FHIT: variants seen among roughly 807,000 people sequenced by gnomAD.
FHIT encodes fragile histidine triad diadenosine triphosphatase, also known as bis(5'-adenosyl)-triphosphatase.
Under a neutral mutation model 17.9 loss-of-function variants are expected in FHIT, and 19 were observed. The ratio of observed to expected loss-of-function variants is 1.06; its 90% CI spans 0.74 to 1.56. FHIT has a LOEUF of 1.56. Ranked by LOEUF, FHIT falls within the 40% of genes most tolerant of loss-of-function variation. The probability of loss-of-function intolerance (pLI) is 0.00; values close to 1 mark genes in which losing one functional copy is unlikely to be tolerated. For missense variants in FHIT, 248 were observed against 189.2 expected (o/e 1.31, Z -1.82); for synonymous variants, 81 against 69.7 (o/e 1.16, Z -0.81).
At chr3:60,507,198 G>C (rs185330990) in intron 5 of FHIT, among the ~76,000 whole-genome samples, 1 of 152,304 alleles carries the variant, frequency 6.6e-6, no homozygotes, top group Admixed American at 6.5e-5. Flanking sequence ...GTTGGCATTG[G>C]TAGAATGAAC....
chr3:60,292,284 G>A (rs376861320), intron 5 of FHIT, among the ~76,000 whole-genome samples: 6 of 152,192 alleles, frequency 3.9e-5, no homozygotes, highest in East Asian at 1.9e-4. Context: ...GTTGTGAGAC[G>A]CTTCGAAATA....
chr3:60,815,487 ATAAG>A (rs1406945299), intron 4 of FHIT, among the ~76,000 whole-genome samples: 1 of 152,134 alleles, frequency 6.6e-6, no homozygotes, highest in Non-Finnish European at 1.5e-5. Context: ...CATTTATTAA[ATAAG>A]GAAACCTTTC....
At chr3:61,249,892 T>A (rs142286606) in intron 1 of FHIT, among the ~76,000 whole-genome samples, 246 of 145,116 alleles carry the variant, frequency 1.7e-3, no homozygotes, top group African/African-American at 6.2e-3. Context: ...TATACAACAA[T>A]CCCATATCTA....
chr3:61,015,458 G>A (rs2032055209), intron 3 of FHIT, among the ~76,000 whole-genome samples: 1 of 151,972 alleles, frequency 6.6e-6, no homozygotes, highest in African/African-American at 2.4e-5. Context: ...ATATCCTTTT[G>A]GATTACGCTT....
intron 5 of FHIT, among the ~76,000 whole-genome samples, chr3:60,388,592 A>G (rs1277534957): frequency 2.0e-5 from 3 of 152,102 alleles, no homozygotes; most frequent in Non-Finnish European, 4.4e-5. Context: ...TAGAGACCCA[A>G]TCTCCAAACA....
chr3:60,944,062 T>A (rs886141391), intron 3 of FHIT, among the ~76,000 whole-genome samples: 2 of 152,136 alleles, frequency 1.3e-5, no homozygotes, highest in African/African-American at 4.8e-5. Flanking sequence ...TGAATTAGTA[T>A]CTTTTCTCTC....
chr3:61,230,396 T>C (rs1308550649), intron 1 of FHIT, among the ~76,000 whole-genome samples: 2 of 152,196 alleles, frequency 1.3e-5, no homozygotes, highest in East Asian at 1.9e-4. Flanking sequence ...ATGACATGCC[T>C]GCTCCCATTT....
chr3:60,600,538 G>A (rs1230208486), intron 4 of FHIT, among the ~76,000 whole-genome samples: 2 of 152,118 alleles, frequency 1.3e-5, no homozygotes, highest in Non-Finnish European at 2.9e-5. Flanking sequence ...AGTGGTATAA[G>A]CTTTGCTATA....
chr3:60,510,442 T>G (rs2034906162), intron 5 of FHIT, among the ~76,000 whole-genome samples: 1 of 152,222 alleles, frequency 6.6e-6, no homozygotes, highest in South Asian at 2.1e-4. Context: ...ACATATCATT[T>G]CTAGGCCTTG....
At chr3:60,547,388 T>G (rs1211264621) in intron 4 of FHIT, among the ~76,000 whole-genome samples, 2 of 152,176 alleles carry the variant, frequency 1.3e-5, no homozygotes, top group African/African-American at 4.8e-5. Flanking sequence ...GGAACTTGGT[T>G]TACTCTAGAA....
intron 5 of FHIT, among the ~76,000 whole-genome samples, chr3:60,224,763 T>C (rs213413): frequency 0.26 from 38,669 of 151,426 alleles, 5,267 homozygotes; most frequent in African/African-American, 0.31. Flanking sequence ...TCTTGCTCTG[T>C]CACCCAAGCT....
rs538642397 is a variant in FHIT at position 60,590,716 on chromosome 3, G to A, written c.-17-53737C>T. On this transcript the variant is annotated intron_variant, in intron 4 of 9. Coordinates refer to ENST00000492590, the MANE Select transcript of FHIT (RefSeq NM_002012.4). ...ATCTAGAAAAATACATTAATTCAAC[G>A]CATATTTACTCCACACTCACATGTT... 7.4e-4 allele frequency among the ~76,000 whole-genome samples: 112 copies of A among 152,074 alleles called. 2 individuals are homozygous for A. In the South Asian group the frequency reaches 0.023, roughly 31 times the overall value.
In FHIT at chr3:60,544,929, A is replaced by G. The variant is rs74362966; in HGVS notation, c.-17-7950T>C. The stretch of plus-strand genomic sequence containing the variant: ...CTAGTTTTTGTTATCAAGATTAAAC[A>G]TAATAGTTTGGTTTTTCTTTTTTGT... On this transcript the variant is annotated intron_variant, in intron 4 of 9. Coordinates refer to ENST00000492590, the MANE Select transcript of FHIT (RefSeq NM_002012.4). Among the ~76,000 whole-genome samples, 872 of 152,258 alleles carry G rather than the reference A, an allele frequency of 5.7e-3. 4 individuals are homozygous for G. The highest frequency in any genetic ancestry group is 9.1e-3 in the Non-Finnish European group (618 of 68,004).
rs1037668727 is a variant in FHIT at position 60,044,988 on chromosome 3, C to T, written c.104-30836G>A. Among the ~76,000 whole-genome samples the T allele has an allele frequency of 3.9e-5, 6 of 151,938 alleles. No individual in the cohort carries two copies. In the South Asian group the frequency reaches 1.3e-3, roughly 32 times the overall value. On this transcript the variant is annotated intron_variant, in intron 5 of 9. Coordinates refer to ENST00000492590, the MANE Select transcript of FHIT (RefSeq NM_002012.4). Reference sequence around the variant, plus strand: ...ACTGATCAATTGAAGTTATTTTGACCCAAAGTCTTACGTACCTTCTTTTGC... The same window carrying T: ...ACTGATCAATTGAAGTTATTTTGACTCAAAGTCTTACGTACCTTCTTTTGC...
intron 4 of FHIT, among the ~76,000 whole-genome samples, chr3:60,596,422 C>G (rs2038273107): frequency 6.6e-6 from 1 of 152,118 alleles, no homozygotes; most frequent in Admixed American, 6.6e-5. Flanking sequence ...ATTTTTCATT[C>G]TTTCACTCCT....
chr3:60,693,892 A>G (rs911835830), intron 4 of FHIT, among the ~76,000 whole-genome samples: 1 of 152,236 alleles, frequency 6.6e-6, no homozygotes, highest in Non-Finnish European at 1.5e-5. Context: ...TAGCTACACC[A>G]GCACTGAATA....
intron 5 of FHIT, among the ~76,000 whole-genome samples, chr3:60,387,454 G>C (rs537629239): frequency 6.6e-6 from 1 of 152,156 alleles, no homozygotes; most frequent in Non-Finnish European, 1.5e-5. Flanking sequence ...CATCTAACAG[G>C]CTCCTTGGTG....
chr3:61,245,690 G>A (rs2040472446), intron 1 of FHIT, among the ~76,000 whole-genome samples: 1 of 152,070 alleles, frequency 6.6e-6, no homozygotes, highest in South Asian at 2.1e-4. Context: ...TTTAAAACCT[G>A]ATTTACTTGA....
chr3:60,260,344 A>G (rs1160925042), intron 5 of FHIT, among the ~76,000 whole-genome samples: 1 of 149,578 alleles, frequency 6.7e-6, no homozygotes, highest in Non-Finnish European at 1.5e-5. Flanking sequence ...TTCTGTCTTG[A>G]CTAAATTTAA....
Sources: gnomAD v4.1 joint callset for allele counts (sites outside exome capture counted in the v4.1 genomes callset) on GRCh38, gnomAD v4.1.1 for gene constraint, MANE v1.5 for transcripts, NCBI Gene and HGNC (gene_info 2026-07-23, HGNC 2026-07-21) for gene names.